The following UBA7 variants were observed in gnomAD, a reference collection of about 807,000 sequenced individuals.
The protein encoded by UBA7 is ubiquitin like modifier activating enzyme 7, also known as ubiquitin-like modifier-activating enzyme 7.
A neutral mutation model predicts 113.0 loss-of-function variants in UBA7; 88 were observed. The ratio of observed to expected loss-of-function variants is 0.78; its 90% CI spans 0.66 to 0.93. The LOEUF (loss-of-function observed/expected upper bound fraction) is 0.93, where lower values mean the gene tolerates loss of function less well. UBA7 is among the 40% of genes least tolerant of loss of function. The pLI, the probability that UBA7 is intolerant of heterozygous loss-of-function variation, is 0.00. For synonymous variants in UBA7, 459 were observed against 513.0 expected (o/e 0.89, Z 1.42); for missense variants, 1,092 against 1,266.4 (o/e 0.86, Z 2.09).
chr3:49,811,127 C>T (rs1559436042), intron 9 of UBA7, 36 bp from the exon 10 acceptor site: 11 of 1,609,660 alleles, frequency 6.8e-6, no homozygotes, highest in Non-Finnish European at 9.3e-6. Context: ...ACTCCTGCCA[C>T]CTCCTGACCC....
intron 21 of UBA7, 132 bp from the exon 22 acceptor site, chr3:49,806,297 G>A (rs995034547): frequency 2.5e-6 from 2 of 794,440 alleles, no homozygotes; most frequent in Non-Finnish European, 4.0e-6. Flanking sequence ...GGGTGGGGGG[G>A]AGGTGGGATC....
At position 49,811,890 on chromosome 3, in the gene UBA7, G is replaced by C. The variant is rs375345727; in HGVS notation, c.919C>G (p.Pro307Ala). The change falls in exon 8 of 24, where the codon CCA (proline) becomes GCA (alanine). Residue 307 changes from proline to alanine, a missense_variant. By Grantham distance (27) the Pro-to-Ala change is conservative. This residue lies in a region of UBA7 where 584 missense variants were observed against 714.5 expected (regional missense o/e 0.82). Coordinates refer to ENST00000333486, the MANE Select transcript of UBA7 (RefSeq NM_003335.3). The part of the protein sequence containing the change: ...LHKFQHLHGR[P>A]PQPWDPVDAE... ...CTCACAGGATCCCAGGGCTGGGGTG[G>C]CCGGCCATGGAGGTGCTGGAACTTG... The C allele has an allele frequency of 6.2e-6, 10 of 1,613,696 alleles. No homozygotes were observed. The African/African-American group carries it at 1.2e-4, about 19-fold the overall frequency.
intron 19 of UBA7, 51 bp downstream of exon 19, chr3:49,808,335 T>C (rs1332238779): frequency 1.2e-6 from 2 of 1,610,396 alleles, no homozygotes; most frequent in Non-Finnish European, 1.7e-6. Flanking sequence ...GCTCCTGACC[T>C]TTCTCCACAA....
intron 6 of UBA7, 39 bp downstream of exon 6, chr3:49,812,369 T>C: frequency 6.2e-7 from 1 of 1,613,438 alleles, no homozygotes; most frequent in Middle Eastern, 1.6e-4. Flanking sequence ...CAGTGGAGGC[T>C]TGGGCCCTGC....
chr3:49,807,699 G>A lies in UBA7; in HGVS notation c.2715+37C>T, dbSNP rs375090758. The A allele has an allele frequency of 2.0e-5, 31 of 1,567,292 alleles. No homozygotes were observed. The highest frequency in any genetic ancestry group is 2.4e-5 in the Non-Finnish European group (28 of 1,156,112). On this transcript the variant is annotated intron_variant, in intron 21 of 23. Coordinates refer to ENST00000333486, the MANE Select transcript of UBA7 (RefSeq NM_003335.3). The surrounding 1 kb of genome is among the most constrained non-coding windows in gnomAD (Gnocchi z 4.0). Reference sequence around the variant, plus strand: ...ATGGGCAGGTGCAGGGGAAACCCAGGCCTAGTAGGGCTAAGGGTGGGGTAT... The same window carrying A: ...ATGGGCAGGTGCAGGGGAAACCCAGACCTAGTAGGGCTAAGGGTGGGGTAT...
At chr3:49,813,694 A>G (rs2081587188) in intron 1 of UBA7, 38 bp downstream of exon 1, 2 of 1,614,084 alleles carry the variant, frequency 1.2e-6, no homozygotes, top group Admixed American at 1.7e-5. Flanking sequence ...CAAGGTCTGA[A>G]GACCATCCCA....
chr3:49,807,675 T>A lies in UBA7; in HGVS notation c.2715+61A>T. The A allele has an allele frequency of 6.5e-7, 1 of 1,531,444 alleles. No individual in the cohort carries two copies. The highest frequency in any genetic ancestry group is 8.8e-7 in the Non-Finnish European group (1 of 1,138,722). 94.9% of individuals were successfully genotyped at this position (1,531,444 alleles called of 1,614,324 possible). ...GCCGGCAGCTAGATTGGGGCCTGTA[T>A]GGGCAGGTGCAGGGGAAACCCAGGC... On this transcript the variant is annotated intron_variant, in intron 21 of 23. Coordinates refer to ENST00000333486, the MANE Select transcript of UBA7 (RefSeq NM_003335.3). The surrounding 1 kb of genome is among the most constrained non-coding windows in gnomAD (Gnocchi z 4.0).
intron 21 of UBA7, among the ~76,000 whole-genome samples, chr3:49,806,977 C>T (rs1031313672): frequency 6.6e-6 from 1 of 152,164 alleles, no homozygotes; most frequent in Non-Finnish European, 1.5e-5. Context: ...GACCTCTGCC[C>T]TCTCCCCTCA....
chr3:49,806,072 C>T lies in UBA7; in HGVS notation c.2808+1G>A. 1 of 1,588,022 alleles carries T rather than the reference C, an allele frequency of 6.3e-7. No homozygotes were observed. Among genetic ancestry groups the T allele is most frequent in the Non-Finnish European group, 8.6e-7 (1 of 1,167,488 alleles). ...GGGGTTGGGGTAGCAACAGGGCACA[C>T]CTGAAGATGAGCCAGCAGCGACTCC... On this transcript the variant is annotated splice_donor_variant, in intron 22 of 23. Transcript: ENST00000333486. LOFTEE classifies it high-confidence loss of function.
Position 49,813,466 on chromosome 3 carries a change from C to T in UBA7, c.225+13G>A, listed in dbSNP as rs749368809. 1.2e-6 allele frequency: 2 copies of T among 1,612,406 alleles called. No individual in the cohort carries two copies. The highest frequency in any genetic ancestry group is 8.5e-7 in the Non-Finnish European group (1 of 1,179,096). ...CCTTGGTCTGGCAGCCCATAGCCCCCCAGGACACTTACCTGGGCAGCCAGG... is the reference window on the plus strand; with the variant it reads ...CCTTGGTCTGGCAGCCCATAGCCCCTCAGGACACTTACCTGGGCAGCCAGG... On this transcript the variant is annotated intron_variant, in intron 2 of 23. Transcript: ENST00000333486.
rs114468755 is a variant in UBA7 at position 49,807,737 on chromosome 3, G to A, written c.2714C>T (p.Thr905Met). 4.7e-4 allele frequency: 747 copies of A among 1,604,662 alleles called. 4 individuals are homozygous for A. The African/African-American group carries it at 8.3e-3, about 18-fold the overall frequency. ...AAGGGTGGGGTATCATGGGCTCACCGTCTGGATGGCTGGGGCAAAAGGCAT... is the reference window on the plus strand; with the variant it reads ...AAGGGTGGGGTATCATGGGCTCACCATCTGGATGGCTGGGGCAAAAGGCAT... Reference protein sequence around the residue: ...RYMPFAPAIQTFHHLKWTSWD... With the variant: ...RYMPFAPAIQMFHHLKWTSWD... Residue 905 changes from threonine (T) to methionine (M), a missense_variant and splice_region_variant, in exon 21 of 24, where the codon ACG becomes ATG. Physicochemically the swap from Thr to Met is moderately conservative, Grantham distance 81. Coordinates refer to ENST00000333486, the MANE Select transcript of UBA7 (RefSeq NM_003335.3). This position sits in a 1 kb window ranked among gnomAD's most constrained non-coding sequence, Gnocchi z 4.0.
rs931071107 is a variant in UBA7 at position 49,807,071 on chromosome 3, CG to C, written c.2715+664del. On this transcript the variant is annotated intron_variant, in intron 21 of 23. Transcript: ENST00000333486. The surrounding 1 kb of genome is among the most constrained non-coding windows in gnomAD (Gnocchi z 4.0). Reference sequence around the variant, plus strand: ...GGCACAAGGCTGGAGGCATTCACAGCGCTGCAGTCACAGGAACACAAATGCC... The same window carrying C: ...GGCACAAGGCTGGAGGCATTCACAGCCTGCAGTCACAGGAACACAAATGCC... 3.3e-5 allele frequency among the ~76,000 whole-genome samples: 5 copies of C among 152,194 alleles called. No homozygotes were observed.
chr3:49,807,759 G>T lies in UBA7; in HGVS notation c.2692C>A (p.Pro898Thr). Reference sequence around the variant, plus strand: ...ACCGTCTGGATGGCTGGGGCAAAAGGCATATAGCGGATGAGGTAGTTTTCA... The same window carrying T: ...ACCGTCTGGATGGCTGGGGCAAAAGTCATATAGCGGATGAGGTAGTTTTCA... ...LAENYLIRYM[P>T]FAPAIQTFHH... Residue 898 changes from proline to threonine, a missense_variant, in exon 21 of 24, where the codon CCT becomes ACT. Physicochemically the swap from Pro to Thr is conservative, Grantham distance 38. Around this residue, in one of 3 missense-constraint regions of UBA7, gnomAD observed 500 missense variants for 529.3 expected, o/e 0.94. Coordinates refer to ENST00000333486, the MANE Select transcript of UBA7 (RefSeq NM_003335.3). This position sits in a 1 kb window ranked among gnomAD's most constrained non-coding sequence, Gnocchi z 4.0. The T allele has an allele frequency of 6.2e-7, 1 of 1,612,006 alleles. No homozygotes were observed. Among genetic ancestry groups the T allele is most frequent in the South Asian group, 1.1e-5 (1 of 90,636 alleles).
rs1481395332 is a variant in UBA7, at chr3:49,812,752, G to A, written c.468-14C>T. ...CAGAACAACTGCCTGAGATGGGGTGGTAGGGGTCACTGAGGTGGCTTACAG... is the reference window on the plus strand; with the variant it reads ...CAGAACAACTGCCTGAGATGGGGTGATAGGGGTCACTGAGGTGGCTTACAG... On this transcript the variant is annotated splice_polypyrimidine_tract_variant and intron_variant, in intron 4 of 23. Coordinates refer to ENST00000333486, the MANE Select transcript of UBA7 (RefSeq NM_003335.3). 3 of 1,613,986 alleles carry A rather than the reference G, an allele frequency of 1.9e-6. No individual in the cohort carries two copies. The highest frequency in any genetic ancestry group is 2.2e-5 in the South Asian group (2 of 91,058).
At chr3:49,806,566 G>C (rs562858265) in intron 21 of UBA7, among the ~76,000 whole-genome samples, 1 of 152,154 alleles carries the variant, frequency 6.6e-6, no homozygotes, top group Non-Finnish European at 1.5e-5. Flanking sequence ...CCAGTGCCTT[G>C]GGCTACTCAT....
intron 18 of UBA7, 60 bp downstream of exon 18, chr3:49,808,916 G>A: frequency 6.4e-7 from 1 of 1,570,588 alleles, no homozygotes; most frequent in Non-Finnish European, 8.6e-7. Context: ...CACAGGCTGA[G>A]GACAGGACAG....
At chr3:49,805,468 G>A in intron 23 of UBA7, 31 bp from the exon 24 acceptor site, 2 of 1,607,482 alleles carry the variant, frequency 1.2e-6, no homozygotes, top group Non-Finnish European at 8.5e-7. Flanking sequence ...GGAGATTGGA[G>A]AGGTGAGCCA....
chr3:49,813,057 C>T lies in UBA7; in HGVS notation c.467+5G>A, dbSNP rs774367810. The T allele has an allele frequency of 7.4e-6, 12 of 1,611,588 alleles. No individual in the cohort carries two copies. The highest frequency in any genetic ancestry group is 1.7e-5 in the Admixed American group (1 of 59,868). The stretch of plus-strand genomic sequence containing the variant: ...ATGGTAGGCTGGGCAGGCAGTCTTA[C>T]TCACCCCACGAGGCCCCGGGTGTCA... On this transcript the variant is annotated splice_donor_5th_base_variant and intron_variant, in intron 4 of 23. Transcript: ENST00000333486.
chr3:49,806,057 T>G lies in UBA7; in HGVS notation c.2808+16A>C. The G allele has an allele frequency of 6.3e-7, 1 of 1,581,816 alleles. No homozygotes were observed. ...GCTGGGCTGAGCCTGGGGGTTGGGG[T>G]AGCAACAGGGCACACCTGAAGATGA... On this transcript the variant is annotated intron_variant, in intron 22 of 23. Transcript: ENST00000333486.
Sources: allele counts gnomAD v4.1 joint callset (sites outside exome capture counted in the v4.1 genomes callset), GRCh38; gene constraint gnomAD v4.1.1; regional missense constraint gnomAD v4.1.1; non-coding constraint Gnocchi (gnomAD v3.1); transcripts MANE v1.5; gene names NCBI Gene and HGNC (gene_info 2026-07-23, HGNC 2026-07-21).